Variants in RBM26 observed in about 807,000 individuals in gnomAD.
RBM26 encodes RNA binding motif protein 26, also known as RNA-binding protein 26.
A neutral mutation model predicts 123.6 loss-of-function variants in RBM26; 30 were observed. The ratio of observed to expected loss-of-function variants is 0.24; its 90% CI spans 0.18 to 0.33. The LOEUF (loss-of-function observed/expected upper bound fraction) is 0.33, where lower values mean the gene tolerates loss of function less well. Ranked by LOEUF, RBM26 falls within the 10% of genes least tolerant of loss-of-function variation. The probability of loss-of-function intolerance (pLI) is 1.00; values close to 1 mark genes in which losing one functional copy is unlikely to be tolerated. For missense variants in RBM26, 947 were observed against 1,203.6 expected (o/e 0.79, Z 3.15); for synonymous variants, 400 against 404.4 (o/e 0.99, Z 0.13).
chr13:79,389,772 T>C (rs1425457157), intron 1 of RBM26: 1 of 152,220 alleles, frequency 6.6e-6, no homozygotes, highest in Non-Finnish European at 1.5e-5. Context: ...TTTCCTTGAC[T>C]ACATACAGGA....
Position 79,371,164 on chromosome 13 carries a change from T to C in RBM26, c.417-2A>G. 6.2e-7 allele frequency: 1 copy of C among 1,609,768 alleles called. No homozygotes were observed. The highest frequency in any genetic ancestry group is 8.5e-7 in the Non-Finnish European group (1 of 1,176,756). On this transcript the variant is annotated splice_acceptor_variant, in intron 4 of 21. Coordinates refer to ENST00000438737, the MANE Select transcript of RBM26 (RefSeq NM_001366735.2). LOFTEE classifies it high-confidence loss of function. ...TCTTTTTTCCTCTCATCACGGCTTC[T>C]AAAGAAATATGTGATCACTTTAATA...
intron 1 of RBM26, among the ~76,000 whole-genome samples, chr13:79,399,637 T>C (rs2078895185): frequency 6.6e-6 from 1 of 152,104 alleles, no homozygotes; most frequent in South Asian, 2.1e-4. Context: ...AGCAATGGGA[T>C]ACAAACAAGG....
At position 79,342,744 on chromosome 13, in the gene RBM26, T is replaced by A; in HGVS notation, c.2347A>T (p.Asn783Tyr). Residue 783 changes from asparagine (N) to tyrosine (Y), a missense_variant, in exon 17 of 22, where the codon AAT becomes TAT. This residue lies in a region of RBM26 where 493 missense variants were observed against 563.1 expected (regional missense o/e 0.88). Coordinates refer to ENST00000438737, the MANE Select transcript of RBM26 (RefSeq NM_001366735.2). Reference protein sequence around the residue: ...IMKTLEVLTKNITKLKDEVKA... With the variant: ...IMKTLEVLTKYITKLKDEVKA... ...ACCTCATCTTTCAACTTGGTAATAT[T>A]TTTTGTCAAAACCTCTAAAGTTTTC... 6.2e-7 allele frequency: 1 copy of A among 1,611,802 alleles called. No homozygotes were observed. Among genetic ancestry groups the A allele is most frequent in the Non-Finnish European group, 8.5e-7 (1 of 1,178,310 alleles).
intron 20 of RBM26, among the ~76,000 whole-genome samples, chr13:79,326,385 C>G (rs913977291): frequency 2.0e-5 from 3 of 152,074 alleles, no homozygotes; most frequent in African/African-American, 4.8e-5. Context: ...TTTAAATGTG[C>G]TCTACAGGAT....
intron 20 of RBM26, among the ~76,000 whole-genome samples, chr13:79,333,333 C>T (rs1476460105): frequency 1.3e-5 from 2 of 151,826 alleles, no homozygotes; most frequent in African/African-American, 4.8e-5. Context: ...CCTACCTCTA[C>T]CCCCAAAACT....
chr13:79,342,197 A>C (rs904003436), intron 17 of RBM26, among the ~76,000 whole-genome samples: 7 of 151,836 alleles, frequency 4.6e-5, no homozygotes, highest in African/African-American at 1.7e-4. Context: ...AGACACACCA[A>C]GTATAAACAT....
At chr13:79,330,204 CTATT>C (rs1190951055) in intron 20 of RBM26, among the ~76,000 whole-genome samples, 6 of 152,100 alleles carry the variant, frequency 3.9e-5, no homozygotes, top group South Asian at 2.1e-4. Flanking sequence ...AGTCTTTTGA[CTATT>C]TATTCTTACA....
downstream of RBM26, among the ~76,000 whole-genome samples, chr13:79,317,793 C>T (rs1192102353): frequency 1.3e-5 from 2 of 151,772 alleles, no homozygotes; most frequent in East Asian, 3.9e-4. Context: ...TAGCAAAATG[C>T]TCCCAGTGAC....
exon 5 of RBM26, chr13:79,312,733 A>G (rs534240485): frequency 2.7e-5 from 4 of 148,470 alleles, no homozygotes; most frequent in South Asian, 2.2e-4. Flanking sequence ...ATATTCTTAA[A>G]TTATGATGTG....
In RBM26 at chr13:79,320,405, G is replaced by C. The variant is rs1346632780; in HGVS notation, c.*216C>G. 2 of 1,192,652 alleles carry C rather than the reference G, an allele frequency of 1.7e-6. No individual in the cohort carries two copies. The highest frequency in any genetic ancestry group is 3.2e-5 in the African/African-American group (2 of 62,932). The allele number at this position is 1,192,652 out of a possible 1,614,324, so 73.9% of individuals were successfully genotyped here. A position where few individuals can be genotyped will look rare whatever the true frequency, so the allele number is the denominator to read the frequency against. On this transcript the variant is annotated 3_prime_UTR_variant, in exon 22 of 22. Transcript: ENST00000438737. ...AAAACATTGCATATGTTTCTAGTGT[G>C]ATGTCTTTAGCAATTGTTTACTGAA...
At chr13:79,377,751 C>T (rs1409317918) in intron 2 of RBM26, among the ~76,000 whole-genome samples, 1 of 151,714 alleles carries the variant, frequency 6.6e-6, no homozygotes, top group East Asian at 1.9e-4. Flanking sequence ...GCCCTGTCTC[C>T]ACAAAAATTA....
chr13:79,350,020 CAA>C (rs926198007), intron 14 of RBM26, among the ~76,000 whole-genome samples: 1 of 152,082 alleles, frequency 6.6e-6, no homozygotes, highest in African/African-American at 2.4e-5. Context: ...TTTTAACTAG[CAA>C]AGTTACACAA....
intron 20 of RBM26, among the ~76,000 whole-genome samples, chr13:79,324,900 T>C (rs2068142595): frequency 6.6e-6 from 1 of 152,092 alleles, no homozygotes; most frequent in South Asian, 2.1e-4. Context: ...TAACTTGTTT[T>C]ATTCCTTGAT....
At chr13:79,333,235 C>T (rs192299867) in intron 20 of RBM26, among the ~76,000 whole-genome samples, 1 of 152,210 alleles carries the variant, frequency 6.6e-6, no homozygotes, top group Admixed American at 6.5e-5. Flanking sequence ...CACAAAAGAA[C>T]ATTAAAGAAA....
At chr13:79,339,451 G>A (rs1317374286) in intron 18 of RBM26, among the ~76,000 whole-genome samples, 1 of 152,072 alleles carries the variant, frequency 6.6e-6, no homozygotes. Context: ...CAAGTATGTG[G>A]GGTGATGGAC....
At chr13:79,364,113 A>G (rs911013796) in intron 9 of RBM26, among the ~76,000 whole-genome samples, 3 of 130,522 alleles carry the variant, frequency 2.3e-5, no homozygotes, top group Non-Finnish European at 3.4e-5. Context: ...CTCACATACA[A>G]GCTGTTAAAA....
intron 10 of RBM26, among the ~76,000 whole-genome samples, chr13:79,358,702 C>T (rs982488600): frequency 2.6e-5 from 4 of 152,136 alleles, no homozygotes; most frequent in African/African-American, 7.2e-5. Context: ...CTTAACATTC[C>T]TATCAGGAAA....
downstream of RBM26, chr13:79,318,804 T>C (rs1235759515): frequency 2.0e-6 from 2 of 983,892 alleles, no homozygotes; most frequent in Middle Eastern, 5.2e-4. Context: ...TTGAAAGATT[T>C]ACTTTCTTTG....
chr13:79,344,218 A>C, intron 16 of RBM26, 30 bp downstream of exon 16: 13 of 1,366,174 alleles, frequency 9.5e-6, no homozygotes, highest in Non-Finnish European at 1.3e-5. Flanking sequence ...AACATTTGCA[A>C]TTTGGCCAAA....
Sources: gnomAD v4.1 joint callset for allele counts (sites outside exome capture counted in the v4.1 genomes callset) on GRCh38, gnomAD v4.1.1 for gene constraint, gnomAD v4.1.1 regional missense constraint, MANE v1.5 for transcripts, NCBI Gene and HGNC (gene_info 2026-07-23, HGNC 2026-07-21) for gene names.